Variants in MYOM3 observed in about 807,000 individuals in gnomAD.
MYOM3 encodes the protein myomesin-3.
A neutral mutation model predicts 191.7 loss-of-function variants in MYOM3; 155 were observed. The observed-to-expected ratio is 0.81, with a 90% CI of 0.71 to 0.92. MYOM3 has a LOEUF of 0.92. Ranked by LOEUF, MYOM3 falls within the 40% of genes least tolerant of loss-of-function variation. The pLI is 0.00. For synonymous variants in MYOM3, 757 were observed against 762.9 expected (o/e 0.99, Z 0.13); for missense variants, 1,889 against 1,890.6 (o/e 1.00, Z 0.02).
rs7556176 is a variant in MYOM3, at chr1:24,092,278, T to C, written c.1128A>G (p.Pro376=). ...TCACATCCAGGCATCGGACGTTCAGTGGGGAGCCTGGGGCCCCGGGGTTCT... is the reference window on the plus strand; with the variant it reads ...TCACATCCAGGCATCGGACGTTCAGCGGGGAGCCTGGGGCCCCGGGGTTCT... ...EAENPGAPGS[P]LNVRCLDVNR... The change falls in exon 11 of 37, where the codon CCA becomes CCG. Residue 376 remains proline, a synonymous_variant. Coordinates refer to ENST00000374434, the MANE Select transcript of MYOM3 (RefSeq NM_152372.4). 589,761 of 1,375,194 alleles carry C rather than the reference T, an allele frequency of 0.43. 128,546 individuals are homozygous for C. The highest frequency in any genetic ancestry group is 0.46 in the African/African-American group (31,106 of 66,904). The allele number at this position is 1,375,194 out of a possible 1,614,324, so 85.2% of individuals were successfully genotyped here.
Position 24,107,224 on chromosome 1 carries a change from T to C in MYOM3, c.251A>G (p.Gln84Arg), listed in dbSNP as rs1643992053. 4.4e-6 allele frequency: 7 copies of C among 1,593,518 alleles called. No individual in the cohort carries two copies. Among genetic ancestry groups the C allele is most frequent in the Non-Finnish European group, 6.0e-6 (7 of 1,170,092 alleles). ...CACGGCAGAGGTCTGGCGTCTCAGC[T>C]GGGCTTCCCTGCCGTGACAGAGGCC... is the stretch of plus-strand genomic sequence containing the variant. ...TASSELSWEA[Q>R]LRRQTSAVEL... The change falls in exon 4 of 37, where the codon CAG becomes CGG. Residue 84 changes from glutamine to arginine, a missense_variant. By Grantham distance (43) the Gln-to-Arg change is conservative (BLOSUM62 1). Transcript: ENST00000374434.
chr1:24,092,266 T>C lies in MYOM3; in HGVS notation c.1140A>G (p.Arg380=). ...GGCAGTCTCTGTTCACATCCAGGCA[T>C]CGGACGTTCAGTGGGGAGCCTGGGG... is the stretch of plus-strand genomic sequence containing the variant. The part of the protein sequence containing the change: ...PGAPGSPLNV[R]CLDVNRDCLI... Residue 380 remains arginine, a synonymous_variant, in exon 11 of 37, where the codon CGA becomes CGG. Transcript: ENST00000374434. The C allele has an allele frequency of 7.2e-7, 1 of 1,398,194 alleles. No individual in the cohort carries two copies. The highest frequency in any genetic ancestry group is 9.4e-7 in the Non-Finnish European group (1 of 1,066,462). 86.6% of individuals were successfully genotyped at this position (1,398,194 alleles called of 1,614,324 possible). A position where few individuals can be genotyped will look rare whatever the true frequency, so the allele number is the denominator to read the frequency against.
At chr1:24,109,750 G>C (rs909246275) in intron 1 of MYOM3, among the ~76,000 whole-genome samples, 4 of 152,238 alleles carry the variant, frequency 2.6e-5, no homozygotes, top group Non-Finnish European at 5.9e-5. Flanking sequence ...AGGTCACCCA[G>C]CATGATGGTG....
intron 15 of MYOM3, among the ~76,000 whole-genome samples, chr1:24,085,919 G>A (rs1184327767): frequency 6.6e-6 from 1 of 152,176 alleles, no homozygotes; most frequent in African/African-American, 2.4e-5. Flanking sequence ...TTCCCCAAAT[G>A]GGACCTTCAG....
At chr1:24,084,721 G>C in intron 15 of MYOM3, 82 bp from the exon 16 acceptor site, 1 of 1,309,854 alleles carries the variant, frequency 7.6e-7, no homozygotes, top group South Asian at 1.4e-5. Context: ...AGCATGGGGA[G>C]AGGCCAGAAG....
At chr1:24,097,856 A>G in intron 7 of MYOM3, 67 bp downstream of exon 7, 1 of 1,057,090 alleles carries the variant, frequency 9.5e-7, no homozygotes, top group East Asian at 2.4e-5. Context: ...ACGCAGACCC[A>G]TGTCCTTGTC....
chr1:24,086,274 C>T (rs1435708357), intron 15 of MYOM3, among the ~76,000 whole-genome samples: 1 of 152,048 alleles, frequency 6.6e-6, no homozygotes, highest in African/African-American at 2.4e-5. Flanking sequence ...AGCTCAACCC[C>T]CACCAGACAA....
chr1:24,088,288 G>T (rs114183214), intron 14 of MYOM3, among the ~76,000 whole-genome samples: 2,505 of 152,246 alleles, frequency 0.016, 62 homozygotes, highest in African/African-American at 0.057. Context: ...GACCAGGTAG[G>T]ACAAGAAATT....
At chr1:24,107,346 A>G (rs1283624204) in intron 3 of MYOM3, 114 bp from the exon 4 acceptor site, 1 of 981,336 alleles carries the variant, frequency 1.0e-6, no homozygotes, top group Non-Finnish European at 1.5e-6. Context: ...CTTTTGGAGG[A>G]CATGCATGAT....
Position 24,111,289 on chromosome 1 carries a change from C to G in MYOM3, c.-19+742G>C, listed in dbSNP as rs1486033807. 6.6e-6 allele frequency among the ~76,000 whole-genome samples: 1 copy of G among 152,248 alleles called. No individual in the cohort carries two copies. The highest frequency in any genetic ancestry group is 1.5e-5 in the Non-Finnish European group (1 of 68,048). The stretch of plus-strand genomic sequence containing the variant: ...ATTCCCCTCTGCTTTCCTCCCAAGC[C>G]TCCATCTGCCGAGGAGGCCTCTCCC... On this transcript the variant is annotated intron_variant, in intron 1 of 36. Coordinates refer to ENST00000374434, the MANE Select transcript of MYOM3 (RefSeq NM_152372.4). The surrounding 1 kb of genome is among the most constrained non-coding windows in gnomAD (Gnocchi z 4.7).
chr1:24,106,176 AC>A, intron 4 of MYOM3, 99 bp from the exon 5 acceptor site: 1 of 1,343,340 alleles, frequency 7.4e-7, no homozygotes, highest in South Asian at 1.5e-5. Flanking sequence ...CTGTAGTTAG[AC>A]CCACATGGGC....
chr1:24,086,894 C>T lies in MYOM3; in HGVS notation c.1615-67G>A. The T allele has an allele frequency of 4.0e-6, 6 of 1,500,672 alleles. No individual in the cohort carries two copies. In the South Asian group the frequency reaches 7.4e-5, roughly 18 times the overall value. The allele number at this position is 1,500,672 out of a possible 1,614,324, so 93.0% of individuals were successfully genotyped here. On this transcript the variant is annotated intron_variant, in intron 14 of 36. Transcript: ENST00000374434. Reference sequence around the variant, plus strand: ...AGACCGGCTCTGTGCTGGTCACCTCCCATGATCTCTGTCCCCAGCCCGTGT... The same window carrying T: ...AGACCGGCTCTGTGCTGGTCACCTCTCATGATCTCTGTCCCCAGCCCGTGT...
chr1:24,110,360 ATGTG>A (rs1644028287), intron 1 of MYOM3, among the ~76,000 whole-genome samples: 1 of 151,508 alleles, frequency 6.6e-6, no homozygotes, highest in Admixed American at 6.6e-5. Flanking sequence ...GTGGGCGTGC[ATGTG>A]TGTGTATGTG....
intron 25 of MYOM3, among the ~76,000 whole-genome samples, chr1:24,070,177 C>T (rs1178023928): frequency 1.3e-5 from 2 of 151,984 alleles, no homozygotes; most frequent in African/African-American, 4.8e-5. Flanking sequence ...TGGATATAAC[C>T]TTAATTATGC....
chr1:24,097,951 G>A lies in MYOM3; in HGVS notation c.717C>T (p.Ala239=). The A allele has an allele frequency of 1.9e-6, 3 of 1,613,894 alleles. No homozygotes were observed. Among genetic ancestry groups the A allele is most frequent in the Non-Finnish European group, 2.5e-6 (3 of 1,179,742 alleles). ...TVRVKNAHGQ[A]SSFAKVLVRT... The stretch of plus-strand genomic sequence containing the variant: ...GGACGAGGACTTTGGCGAAGGAGGA[G>A]GCCTGGCCGTGGGCGTTCTTCACTC... The change falls in exon 7 of 37, where the codon GCC becomes GCT. Residue 239 remains alanine (A), a synonymous_variant. Transcript: ENST00000374434.
chr1:24,089,401 TA>T (rs1336969176), intron 14 of MYOM3, 136 bp downstream of exon 14: 1 of 1,182,738 alleles, frequency 8.5e-7, no homozygotes, highest in African/African-American at 1.6e-5. Flanking sequence ...TGCCTCTGTG[TA>T]GGGCCATGCC....
rs4319261 is a variant in MYOM3, at chr1:24,095,460, C to T, written c.772G>A (p.Asp258Asn). 5.6e-6 allele frequency: 9 copies of T among 1,612,136 alleles called. No homozygotes were observed. The highest frequency in any genetic ancestry group is 1.7e-4 in the Middle Eastern group (1 of 6,058). Reference protein sequence around the residue: ...RTYLGKDAGFDSEIFKRSTFG... With the variant: ...RTYLGKDAGFNSEIFKRSTFG... Reference sequence around the variant, plus strand: ...GACTTACTTTTGAAGATCTCTGAATCGAAGCCAGCATCCTTCCCCAGGTAA... The same window carrying T: ...GACTTACTTTTGAAGATCTCTGAATTGAAGCCAGCATCCTTCCCCAGGTAA... Residue 258 changes from aspartate to asparagine, a missense_variant, in exon 8 of 37, where the codon GAT (aspartate) becomes AAT (asparagine). Asp to Asn is a conservative substitution (Grantham distance 23). Coordinates refer to ENST00000374434, the MANE Select transcript of MYOM3 (RefSeq NM_152372.4).
At chr1:24,079,054 A>G (rs1161263267) in intron 20 of MYOM3, among the ~76,000 whole-genome samples, 2 of 152,168 alleles carry the variant, frequency 1.3e-5, no homozygotes. Context: ...ATGTATCTGC[A>G]TACATGTTTA....
chr1:24,061,308 A>C lies in MYOM3; in HGVS notation c.3936T>G (p.Ala1312=). The change falls in exon 34 of 37, where the codon GCT becomes GCG. Residue 1312 remains alanine, a splice_region_variant and synonymous_variant. Coordinates refer to ENST00000374434, the MANE Select transcript of MYOM3 (RefSeq NM_152372.4). ...GGTGTTCAGCCATTGCATCCTCAAA[A>C]GCTATAAGAAGGACAGAGGAGAATG... The part of the protein sequence containing the change: ...RQLSTDLSGQ[A]FEDAMAEHQR... 6.2e-7 allele frequency: 1 copy of C among 1,614,046 alleles called. No homozygotes were observed. The highest frequency in any genetic ancestry group is 8.5e-7 in the Non-Finnish European group (1 of 1,179,970).
Sources: gnomAD v4.1 joint callset for allele counts (sites outside exome capture counted in the v4.1 genomes callset) on GRCh38, gnomAD v4.1.1 for gene constraint, Gnocchi (gnomAD v3.1) non-coding constraint, MANE v1.5 for transcripts, NCBI Gene and HGNC (gene_info 2026-07-23, HGNC 2026-07-21) for gene names.